Variants in CCSER2 observed in about 807,000 individuals in gnomAD.
CCSER2 encodes the protein serine-rich coiled-coil domain-containing protein 2.
In CCSER2, 46 loss-of-function variants were observed where a neutral mutation model predicts 92.3. The observed-to-expected ratio is 0.50, with a 90% CI of 0.39 to 0.64. The LOEUF is 0.64. Ranked by LOEUF, CCSER2 falls within the 30% of genes least tolerant of loss-of-function variation. The probability of loss-of-function intolerance (pLI) is 0.00; values close to 1 mark genes in which losing one functional copy is unlikely to be tolerated. For synonymous variants in CCSER2, 433 were observed against 431.4 expected (o/e 1.00, Z -0.04); for missense variants, 1,244 against 1,238.9 (o/e 1.00, Z -0.06).
chr10:84,427,712 C>A (rs999025513), intron 5 of CCSER2, among the ~76,000 whole-genome samples: 1 of 152,210 alleles, frequency 6.6e-6, no homozygotes, highest in Middle Eastern at 3.4e-3. Context: ...CTGCCCAGAC[C>A]TCCTTTTTTT....
intron 3 of CCSER2, among the ~76,000 whole-genome samples, chr10:84,383,720 A>G (rs933444443): frequency 6.6e-6 from 1 of 152,188 alleles, no homozygotes; most frequent in East Asian, 1.9e-4. Flanking sequence ...TACTACTGTC[A>G]AACTGTTTTC....
At chr10:84,443,390 A>G (rs1228506081) in intron 6 of CCSER2, among the ~76,000 whole-genome samples, 1 of 152,248 alleles carries the variant, frequency 6.6e-6, no homozygotes, top group Non-Finnish European at 1.5e-5. Flanking sequence ...AAACATGAAA[A>G]AAAGCTCATC....
chr10:84,491,107 T>A (rs1848134656), intron 9 of CCSER2, among the ~76,000 whole-genome samples: 2 of 152,190 alleles, frequency 1.3e-5, no homozygotes, highest in Admixed American at 1.3e-4. Flanking sequence ...GGAAGCTTCG[T>A]CTCAGATGGG....
intron 6 of CCSER2, chr10:84,455,669 A>G (rs1438576125): frequency 4.3e-6 from 3 of 705,266 alleles, no homozygotes; most frequent in African/African-American, 3.5e-5. Context: ...GAGATTGTTC[A>G]CAGTCATGGA....
chr10:84,396,597 T>C (rs1458460795), intron 3 of CCSER2, among the ~76,000 whole-genome samples: 2 of 152,156 alleles, frequency 1.3e-5, no homozygotes, highest in African/African-American at 4.8e-5. Context: ...TGTTACTTCA[T>C]AGAGATCTTC....
At chr10:84,388,561 C>G (rs561642191) in intron 3 of CCSER2, among the ~76,000 whole-genome samples, 1 of 152,106 alleles carries the variant, frequency 6.6e-6, no homozygotes, top group Non-Finnish European at 1.5e-5. Context: ...CCTCCCACCC[C>G]CTTGAGCCAT....
At chr10:84,430,710 T>G (rs1843718843) in intron 5 of CCSER2, among the ~76,000 whole-genome samples, 1 of 152,246 alleles carries the variant, frequency 6.6e-6, no homozygotes, top group African/African-American at 2.4e-5. Flanking sequence ...GAGATGGGTG[T>G]GGCTATTGGA....
At chr10:84,483,471 A>C (rs1001336202) in intron 9 of CCSER2, among the ~76,000 whole-genome samples, 14 of 152,210 alleles carry the variant, frequency 9.2e-5, no homozygotes, top group African/African-American at 3.4e-4. Flanking sequence ...AAATATTTAT[A>C]AAATAGAAAA....
At chr10:84,352,039 G>A (rs755082756) in intron 1 of CCSER2, among the ~76,000 whole-genome samples, 2 of 152,130 alleles carry the variant, frequency 1.3e-5, no homozygotes, top group Non-Finnish European at 2.9e-5. Flanking sequence ...GGTGGCTCAC[G>A]CCTGTAATCC....
At chr10:84,452,015 C>G (rs898070007) in intron 6 of CCSER2, among the ~76,000 whole-genome samples, 14 of 152,218 alleles carry the variant, frequency 9.2e-5, no homozygotes, top group African/African-American at 3.4e-4. Flanking sequence ...GATTGTTCAT[C>G]TATATACCTT....
intron 6 of CCSER2, among the ~76,000 whole-genome samples, chr10:84,463,302 C>T (rs1460450560): frequency 2.0e-5 from 3 of 152,180 alleles, no homozygotes; most frequent in South Asian, 2.1e-4. Context: ...AACTACCGTA[C>T]ACTCAGGACA....
At chr10:84,346,768 ATATATATATT>A (rs1844505257) in intron 1 of CCSER2, among the ~76,000 whole-genome samples, 5 of 149,522 alleles carry the variant, frequency 3.3e-5, no homozygotes, top group Admixed American at 1.3e-4. Flanking sequence ...TTTTATATAT[ATATATATATT>A]TATTTATTTA....
intron 6 of CCSER2, among the ~76,000 whole-genome samples, chr10:84,457,287 T>TATATATAATATGTTATATATA (rs1845732892): frequency 9.7e-5 from 5 of 51,316 alleles, no homozygotes; most frequent in Non-Finnish European, 1.8e-4. Context: ...TATTATATAT[T>TATATATAATATGTTATATATA]ATATATTATA....
At chr10:84,467,472 A>ATGTG (rs765626415) in intron 7 of CCSER2, among the ~76,000 whole-genome samples, 1 of 150,736 alleles carries the variant, frequency 6.6e-6, no homozygotes. Flanking sequence ...ATGTGTGTGT[A>ATGTG]TGTGTGTGTG....
At chr10:84,497,732 C>G (rs1848527156) in intron 9 of CCSER2, among the ~76,000 whole-genome samples, 1 of 152,160 alleles carries the variant, frequency 6.6e-6, no homozygotes, top group Non-Finnish European at 1.5e-5. Flanking sequence ...CTTATAGGTA[C>G]TGTGACAGAT....
rs1564667385 is a variant in CCSER2 at position 84,441,734 on chromosome 10, A to ATTTTTTTTTTTTTTTTTTTTTTT, written c.2064+3028_2064+3029insTTTTTTTTTTTTTTTTTTTTTTT. ...GGGAATAAAGTAGAAGACTGGGAAAATGTTTTTTTTTTTTTTTTTTTTTTT... is the reference window on the plus strand; with the variant it reads ...GGGAATAAAGTAGAAGACTGGGAAAATTTTTTTTTTTTTTTTTTTTTTTTGTTTTTTTTTTTTTTTTTTTTTTT... On this transcript the variant is annotated intron_variant, in intron 6 of 9. Transcript: ENST00000372088. Among the ~76,000 whole-genome samples the ATTTTTTTTTTTTTTTTTTTTTTT allele has an allele frequency of 8.5e-5, 9 of 106,410 alleles. 2 individuals are homozygous for ATTTTTTTTTTTTTTTTTTTTTTT. The highest frequency in any genetic ancestry group is 1.1e-4 in the Non-Finnish European group (6 of 54,118). The allele number at this position is 106,410 out of a possible 152,430, so 69.8% of individuals were successfully genotyped here.
intron 6 of CCSER2, chr10:84,454,729 C>CT (rs1406930142): frequency 5.8e-6 from 1 of 172,560 alleles, no homozygotes; most frequent in Non-Finnish European, 1.3e-5. Context: ...CACCCAGGCT[C>CT]TATTAATGGT....
chr10:84,468,475 T>TA (rs1232430468), intron 7 of CCSER2, among the ~76,000 whole-genome samples: 7 of 152,140 alleles, frequency 4.6e-5, no homozygotes, highest in Non-Finnish European at 1.0e-4. Flanking sequence ...CAATTAAAAG[T>TA]AAAATTAAAA....
chr10:84,436,418 G>A (rs373178020), intron 5 of CCSER2, among the ~76,000 whole-genome samples: 3 of 148,498 alleles, frequency 2.0e-5, no homozygotes, highest in African/African-American at 2.5e-5. Context: ...GGCGGATCAC[G>A]AGGTCAGGAA....
Sources: gnomAD v4.1 joint callset for allele counts (sites outside exome capture counted in the v4.1 genomes callset) on GRCh38, gnomAD v4.1.1 for gene constraint, MANE v1.5 for transcripts, NCBI Gene and HGNC (gene_info 2026-07-23, HGNC 2026-07-21) for gene names.